The following PEX5 variants were observed in gnomAD, a reference collection of about 807,000 sequenced individuals.
PEX5 encodes PTS1 receptor.
PEX5 carries 52 observed loss-of-function variants against 82.9 expected under a neutral mutation model. That is an observed-to-expected ratio of 0.63 (90% CI 0.50 to 0.79). The LOEUF is 0.79. PEX5 is among the 30% of genes least tolerant of loss of function. PEX5 has a pLI of 0.00. For missense variants in PEX5, 719 were observed against 815.2 expected, an observed-to-expected ratio of 0.88 and a Z score of 1.44; for synonymous variants, 300 against 318.8, an observed-to-expected ratio of 0.94 and a Z score of 0.63.
At chr12:7,218,496 G>T (rs1301680407) in exon 18 of PEX5, 1 of 152,020 alleles carries the variant, frequency 6.6e-6, no homozygotes, top group Non-Finnish European at 1.5e-5. Context: ...CTACCATCTT[G>T]GACAATTCAT....
chr12:7,202,399 C>T (rs1306255697), intron 8 of PEX5, 48 bp downstream of exon 8: 3 of 1,607,500 alleles, frequency 1.9e-6, no homozygotes, highest in African/African-American at 2.7e-5. Flanking sequence ...AGCTGATGCC[C>T]CAGGCCATGG....
chr12:7,190,498 C>A lies in PEX5; in HGVS notation c.121C>A (p.Pro41Thr), dbSNP rs781410836. The A allele has an allele frequency of 6.2e-7, 1 of 1,612,908 alleles. No individual in the cohort carries two copies. The highest frequency in any genetic ancestry group is 8.5e-7 in the Non-Finnish European group (1 of 1,179,548). The part of the protein sequence containing the change: ...RQEGLRPGPW[P>T]PGAPASEAAS... Reference sequence around the variant, plus strand: ...GGAGGGATTGAGGCCTGGCCCCTGGCCCCCCGGAGCCCCGGCCTCTGAGGC... The same window carrying A: ...GGAGGGATTGAGGCCTGGCCCCTGGACCCCCGGAGCCCCGGCCTCTGAGGC... Residue 41 changes from proline (P) to threonine (T), a missense_variant, in exon 2 of 16, where the codon CCC becomes ACC. Coordinates refer to ENST00000675855, the MANE Select transcript of PEX5 (RefSeq NM_001351132.2).
At chr12:7,196,363 T>C (rs1485799393) in intron 5 of PEX5, among the ~76,000 whole-genome samples, 2 of 137,902 alleles carry the variant, frequency 1.5e-5, no homozygotes, top group African/African-American at 5.2e-5. Context: ...TAATTATATA[T>C]GACATATATA....
rs1239160440 is a variant in PEX5 at position 7,211,289 on chromosome 12, C to A, written c.*1066C>A. ...TCCCCTGCATGGGGAGATACACTAACCCCCAGAAATGACTGCTAAGCCTCT... is the reference window on the plus strand; with the variant it reads ...TCCCCTGCATGGGGAGATACACTAAACCCCAGAAATGACTGCTAAGCCTCT... On this transcript the variant is annotated 3_prime_UTR_variant, in exon 16 of 16. Transcript: ENST00000675855. The A allele has an allele frequency of 2.0e-5, 3 of 152,478 alleles. No individual in the cohort carries two copies. The East Asian group carries it at 5.8e-4, about 29-fold the overall frequency. 9.4% of individuals were successfully genotyped at this position (152,478 alleles called of 1,614,324 possible). A position where few individuals can be genotyped will look rare whatever the true frequency, so the allele number is the denominator to read the frequency against.
downstream of PEX5, among the ~76,000 whole-genome samples, chr12:7,216,320 G>A (rs1199637837): frequency 6.6e-6 from 1 of 152,022 alleles, no homozygotes; most frequent in South Asian, 2.1e-4. Flanking sequence ...CTTAAATAAT[G>A]ACAAAGGTAA....
At chr12:7,192,031 C>T (rs552508537) in intron 5 of PEX5, among the ~76,000 whole-genome samples, 1 of 152,144 alleles carries the variant, frequency 6.6e-6, no homozygotes. Flanking sequence ...ACTACAGCAC[C>T]TGGGATTCTG....
chr12:7,199,185 G>A lies in PEX5; in HGVS notation c.551+72G>A, dbSNP rs761502752. ...AGTTTTCCCAGCCTCCTCCATCCAC[G>A]TTCTCGAACCAACTTACTTTATTCT... On this transcript the variant is annotated intron_variant, in intron 6 of 15. Transcript: ENST00000675855. 5 of 749,076 alleles carry A rather than the reference G, an allele frequency of 6.7e-6. No homozygotes were observed. The East Asian group carries it at 1.4e-4, about 21-fold the overall frequency. 46.4% of individuals were successfully genotyped at this position (749,076 alleles called of 1,614,324 possible). A position where few individuals can be genotyped will look rare whatever the true frequency, so the allele number is the denominator to read the frequency against.
intron 5 of PEX5, among the ~76,000 whole-genome samples, chr12:7,196,309 AATTTAATTATAT>A (rs1942206537): frequency 1.3e-5 from 1 of 75,140 alleles, no homozygotes; most frequent in Non-Finnish European, 2.6e-5. Context: ...TGTCATATAT[AATTTAATTATAT>A]ATGTCATAAT....
chr12:7,203,390 A>G (rs1458842057), intron 9 of PEX5, 42 bp from the exon 10 acceptor site: 5 of 1,587,664 alleles, frequency 3.1e-6, no homozygotes, highest in African/African-American at 1.3e-5. Flanking sequence ...TGGGGTGGTC[A>G]TGATGGATCT....
chr12:7,202,163 G>C (rs752295094), intron 7 of PEX5, 78 bp from the exon 8 acceptor site: 482 of 1,610,148 alleles, frequency 3.0e-4, no homozygotes, highest in Non-Finnish European at 3.8e-4. Flanking sequence ...GGTGAGTACA[G>C]GGTCCTCTTG....
At chr12:7,200,128 C>T (rs1464656552) in intron 6 of PEX5, among the ~76,000 whole-genome samples, 1 of 150,136 alleles carries the variant, frequency 6.7e-6, no homozygotes, top group East Asian at 2.0e-4. Context: ...TCCTCACTTC[C>T]CAGACGGGGC....
chr12:7,204,350 G>A (rs1944500645), intron 10 of PEX5, among the ~76,000 whole-genome samples: 1 of 152,222 alleles, frequency 6.6e-6, no homozygotes, highest in South Asian at 2.1e-4. Flanking sequence ...CAGGGCCTGA[G>A]ATGCAAACCA....
At position 7,210,453 on chromosome 12, in the gene PEX5, C is replaced by T. The variant is rs1945430986; in HGVS notation, c.*230C>T. On this transcript the variant is annotated 3_prime_UTR_variant, in exon 16 of 16. Transcript: ENST00000675855. ...GTCCCTTGGTAATTCAAGGGCTGTA[C>T]ATCCAGCTACAGATCTCTCTGCTCA... The T allele has an allele frequency of 9.9e-6, 6 of 606,302 alleles. No homozygotes were observed. The highest frequency in any genetic ancestry group is 1.8e-5 in the Non-Finnish European group (6 of 336,668). The allele number at this position is 606,302 out of a possible 1,614,324, so 37.6% of individuals were successfully genotyped here. A position where few individuals can be genotyped will look rare whatever the true frequency, so the allele number is the denominator to read the frequency against.
chr12:7,208,420 T>C (rs1565717970), intron 12 of PEX5, 37 bp from the exon 13 acceptor site: 1 of 1,490,120 alleles, frequency 6.7e-7, no homozygotes, highest in East Asian at 2.3e-5. Context: ...GTGTCAGTCA[T>C]TGCAGATATC....
At chr12:7,215,815 A>G (rs1245981800), downstream of PEX5, among the ~76,000 whole-genome samples, 2 of 152,174 alleles carry the variant, frequency 1.3e-5, no homozygotes, top group African/African-American at 4.8e-5. Context: ...GATCATTTGT[A>G]CACCAAACCT....
intron 6 of PEX5, among the ~76,000 whole-genome samples, chr12:7,199,358 G>C (rs764313277): frequency 6.6e-6 from 1 of 150,906 alleles, no homozygotes; most frequent in Non-Finnish European, 1.5e-5. Context: ...GCGGCCTTCC[G>C]CAGTGTTTGT....
intron 1 of PEX5, 141 bp from the exon 2 acceptor site, chr12:7,190,221 G>A (rs1940734444): frequency 6.3e-7 from 1 of 1,581,044 alleles, no homozygotes; most frequent in East Asian, 2.2e-5. Context: ...GCAGAGGTGG[G>A]GGTCGCAGCA....
At chr12:7,190,326 T>C in intron 1 of PEX5, 36 bp from the exon 2 acceptor site, 1 of 1,610,684 alleles carries the variant, frequency 6.2e-7, no homozygotes, top group Admixed American at 1.7e-5. Flanking sequence ...GGGTCTGGCT[T>C]GGGTACCTCA....
chr12:7,210,222 G>A lies in PEX5; in HGVS notation c.1919G>A (p.Ter640=). 1 of 1,613,982 alleles carries A rather than the reference G, an allele frequency of 6.2e-7. No individual in the cohort carries two copies. The highest frequency in any genetic ancestry group is 8.5e-7 in the Non-Finnish European group (1 of 1,179,964). The change falls in exon 16 of 16, where the codon TGA becomes TAA. Residue 640 remains the stop codon, a stop_retained_variant. Coordinates refer to ENST00000675855, the MANE Select transcript of PEX5 (RefSeq NM_001351132.2). The stretch of plus-strand genomic sequence containing the variant: ...CTAACTATGTTTGGCCTGCCCCAGT[G>A]ACAGTGGGACGGGCTGCCCTGTGAG... The part of the protein sequence containing the change: ...TLLTMFGLPQ[*]
Sources: gnomAD v4.1 joint callset for allele counts (sites outside exome capture counted in the v4.1 genomes callset) on GRCh38, gnomAD v4.1.1 for gene constraint, MANE v1.5 for transcripts, NCBI Gene and HGNC (gene_info 2026-07-23, HGNC 2026-07-21) for gene names.